The following DFFB variants were observed in gnomAD, a reference collection of about 807,000 sequenced individuals.
DFFB encodes the protein DNA fragmentation factor subunit beta.
A neutral mutation model predicts 32.7 loss-of-function variants in DFFB; 29 were observed. The ratio of observed to expected loss-of-function variants is 0.89; its 90% CI spans 0.66 to 1.21. The LOEUF (loss-of-function observed/expected upper bound fraction) is 1.21, where lower values mean the gene tolerates loss of function less well. Ranked by LOEUF, DFFB falls within the 50% of genes most tolerant of loss-of-function variation. The pLI is 0.00. For missense variants in DFFB, 398 were observed against 440.6 expected, an observed-to-expected ratio of 0.90 and a Z score of 0.87; for synonymous variants, 170 against 177.1, an observed-to-expected ratio of 0.96 and a Z score of 0.32.
intron 4 of DFFB, among the ~76,000 whole-genome samples, chr1:3,868,970 T>C (rs1001894589): frequency 1.3e-5 from 2 of 152,240 alleles, no homozygotes; most frequent in African/African-American, 4.8e-5. Context: ...CTGATCCTGA[T>C]ACTCTTCCCT....
In DFFB at chr1:3,865,103, G is replaced by A. The variant is rs1644950719; in HGVS notation, c.242-709G>A. On this transcript the variant is annotated intron_variant, in intron 2 of 6. Coordinates refer to ENST00000378209, the MANE Select transcript of DFFB (RefSeq NM_004402.4). This position sits in a 1 kb window ranked among gnomAD's most constrained non-coding sequence, Gnocchi z 4.7. The stretch of plus-strand genomic sequence containing the variant: ...TTTTTTTGCGGAGTAAGAGTTTTTA[G>A]TTTTGAGGAAGCTCAGTGTGTTGAT... Among the ~76,000 whole-genome samples, 1 of 150,884 alleles carries A rather than the reference G, an allele frequency of 6.6e-6. No individual in the cohort carries two copies. Among genetic ancestry groups the A allele is most frequent in the Non-Finnish European group, 1.5e-5 (1 of 67,868 alleles).
chr1:3,882,671 G>A (rs923563539), intron 6 of DFFB, among the ~76,000 whole-genome samples: 5 of 151,968 alleles, frequency 3.3e-5, no homozygotes, highest in African/African-American at 9.7e-5. Flanking sequence ...GGCCTCATTT[G>A]TTTCTTAAAC....
intron 5 of DFFB, 75 bp from the exon 6 acceptor site, chr1:3,872,397 G>A (rs1645134998): frequency 8.9e-7 from 1 of 1,118,960 alleles, no homozygotes; most frequent in South Asian, 1.3e-5. Flanking sequence ...TGGCGACAGA[G>A]CGAGGCGCTG....
At position 3,865,751 on chromosome 1, in the gene DFFB, G is replaced by T; in HGVS notation, c.242-61G>T. 3 of 1,613,882 alleles carry T rather than the reference G, an allele frequency of 1.9e-6. No individual in the cohort carries two copies. The South Asian group carries it at 3.3e-5, about 18-fold the overall frequency. ...AGATGTGGTCAGAGGCTCTTCTTGT[G>T]ACCGGGGCAGGATGTGTCTTCTGCT... On this transcript the variant is annotated intron_variant, in intron 2 of 6. Transcript: ENST00000378209. This position sits in a 1 kb window ranked among gnomAD's most constrained non-coding sequence, Gnocchi z 4.7.
rs752377868 is a variant in DFFB, at chr1:3,885,076, C to T, written c.*1335C>T. On this transcript the variant is annotated 3_prime_UTR_variant, in exon 7 of 7. Transcript: ENST00000378209. ...TGAGGAAAGCGTTTCTGTGTAGAAA[C>T]TGGAAGCTGTTCAGGGCATCGGCAG... 3 of 152,164 alleles carry T rather than the reference C, an allele frequency of 2.0e-5. No individual in the cohort carries two copies. The highest frequency in any genetic ancestry group is 4.4e-5 in the Non-Finnish European group (3 of 68,032). The allele number at this position is 152,164 out of a possible 1,614,324, so 9.4% of individuals were successfully genotyped here.
At chr1:3,875,691 C>T (rs115624810) in intron 6 of DFFB, among the ~76,000 whole-genome samples, 294 of 152,266 alleles carry the variant, frequency 1.9e-3, no homozygotes, top group African/African-American at 5.9e-3. Context: ...TTCCTTTGCT[C>T]GTTCTCTCTT....
Position 3,883,923 on chromosome 1 carries a change from TTG to T in DFFB, c.*184_*185del, listed in dbSNP as rs1638267898. ...CATTTCTGAATTGTTGGGGTTTTTT[TTG>T]TTGTTTTGTTTTGTTTTGTAGATGG... is the stretch of plus-strand genomic sequence containing the variant. On this transcript the variant is annotated 3_prime_UTR_variant, in exon 7 of 7. Transcript: ENST00000378209. The T allele has an allele frequency of 6.6e-6, 4 of 607,706 alleles. No individual in the cohort carries two copies. The highest frequency in any genetic ancestry group is 3.0e-5 in the Admixed American group (1 of 32,936). 37.6% of individuals were successfully genotyped at this position (607,706 alleles called of 1,614,324 possible). A position where few individuals can be genotyped will look rare whatever the true frequency, so the allele number is the denominator to read the frequency against.
intron 4 of DFFB, among the ~76,000 whole-genome samples, chr1:3,868,492 G>T (rs532801796): frequency 6.6e-6 from 1 of 151,934 alleles, no homozygotes; most frequent in Non-Finnish European, 1.5e-5. Context: ...CCTCTCCACC[G>T]CTCCCTCCTC....
At chr1:3,875,301 G>A (rs953641644) in intron 6 of DFFB, among the ~76,000 whole-genome samples, 2 of 152,190 alleles carry the variant, frequency 1.3e-5, no homozygotes, top group African/African-American at 4.8e-5. Context: ...TCTGGGAGCT[G>A]GGAATTCAGA....
At chr1:3,873,581 G>A (rs1645162054) in intron 6 of DFFB, among the ~76,000 whole-genome samples, 1 of 151,710 alleles carries the variant, frequency 6.6e-6, no homozygotes, top group Admixed American at 6.6e-5. Flanking sequence ...CCGGGTTCAA[G>A]CGATTCTCCT....
At chr1:3,880,902 C>CTGCCATTTCTTGCT (rs1402979106) in intron 6 of DFFB, among the ~76,000 whole-genome samples, 3 of 152,220 alleles carry the variant, frequency 2.0e-5, no homozygotes, top group Admixed American at 1.3e-4. Flanking sequence ...AAGCAACTTC[C>CTGCCATTTCTTGCT]TGCCATTTCT....
chr1:3,858,683 C>G, intron 1 of DFFB, 35 bp from the exon 2 acceptor site: 1 of 1,607,866 alleles, frequency 6.2e-7, no homozygotes, highest in Non-Finnish European at 8.5e-7. Context: ...GTCTTGAGAC[C>G]CTTCCTCCTC....
chr1:3,885,269 T>C lies in DFFB; in HGVS notation c.*1528T>C, dbSNP rs1638349753. 6.6e-6 allele frequency: 1 copy of C among 152,214 alleles called. No homozygotes were observed. The highest frequency in any genetic ancestry group is 2.4e-5 in the African/African-American group (1 of 41,450). The allele number at this position is 152,214 out of a possible 1,614,324, so 9.4% of individuals were successfully genotyped here. A position where few individuals can be genotyped will look rare whatever the true frequency, so the allele number is the denominator to read the frequency against. ...GTTGGGCTAGATTACAGAGGGCTCA[T>C]TTTCTACGTCATGTATTTTATGATA... On this transcript the variant is annotated 3_prime_UTR_variant, in exon 7 of 7. Coordinates refer to ENST00000378209, the MANE Select transcript of DFFB (RefSeq NM_004402.4).
At chr1:3,866,437 G>A (rs1398483207) in intron 3 of DFFB, 1 of 238,544 alleles carries the variant, frequency 4.2e-6, no homozygotes, top group African/African-American at 2.4e-5. Context: ...TGTATTTTTA[G>A]TAGAGATGAG....
chr1:3,875,951 G>GT (rs1429808652), intron 6 of DFFB, among the ~76,000 whole-genome samples: 1 of 151,898 alleles, frequency 6.6e-6, no homozygotes, highest in Non-Finnish European at 1.5e-5. Context: ...TAATTTTTGT[G>GT]TTTTTTTAGT....
rs957865200 is a variant in DFFB, at chr1:3,883,996, G to A, written c.*255G>A. 24 of 458,132 alleles carry A rather than the reference G, an allele frequency of 5.2e-5. No individual in the cohort carries two copies. The highest frequency in any genetic ancestry group is 1.6e-4 in the African/African-American group (8 of 50,908). 28.4% of individuals were successfully genotyped at this position (458,132 alleles called of 1,614,324 possible). On this transcript the variant is annotated 3_prime_UTR_variant, in exon 7 of 7. Coordinates refer to ENST00000378209, the MANE Select transcript of DFFB (RefSeq NM_004402.4). The stretch of plus-strand genomic sequence containing the variant: ...GGCTGGAGTGTAGTGGCGCGATCTC[G>A]GCTCAGCCTCCCGAGTAGCTGGGAT...
chr1:3,881,019 C>T (rs888629631), intron 6 of DFFB, among the ~76,000 whole-genome samples: 2 of 152,200 alleles, frequency 1.3e-5, no homozygotes, highest in African/African-American at 2.4e-5. Flanking sequence ...ATGTCCACAC[C>T]CTGTGTGCTC....
In DFFB at chr1:3,883,846, T is replaced by A; in HGVS notation, c.*105T>A. The A allele has an allele frequency of 1.2e-6, 1 of 830,978 alleles. No homozygotes were observed. Among genetic ancestry groups the A allele is most frequent in the Non-Finnish European group, 1.9e-6 (1 of 520,068 alleles). The allele number at this position is 830,978 out of a possible 1,614,324, so 51.5% of individuals were successfully genotyped here. A position where few individuals can be genotyped will look rare whatever the true frequency, so the allele number is the denominator to read the frequency against. On this transcript the variant is annotated 3_prime_UTR_variant, in exon 7 of 7. Transcript: ENST00000378209. ...TTTTTCGTTTTTTTGGTCACTCCAGTAGCTCCTGGAAAAAACCTTAAAAAA... is the reference window on the plus strand; with the variant it reads ...TTTTTCGTTTTTTTGGTCACTCCAGAAGCTCCTGGAAAAAACCTTAAAAAA...
chr1:3,874,950 C>T (rs1166222457), intron 6 of DFFB, among the ~76,000 whole-genome samples: 11 of 149,598 alleles, frequency 7.4e-5, no homozygotes, highest in Non-Finnish European at 1.5e-4. Flanking sequence ...CGTGTACATA[C>T]GTGGCGGCCC....
Sources: allele counts gnomAD v4.1 joint callset (sites outside exome capture counted in the v4.1 genomes callset), GRCh38; gene constraint gnomAD v4.1.1; non-coding constraint Gnocchi (gnomAD v3.1); transcripts MANE v1.5; gene names NCBI Gene and HGNC (gene_info 2026-07-23, HGNC 2026-07-21).